Variants in TBC1D15 observed in about 807,000 individuals in gnomAD.
TBC1D15 encodes TBC1 domain family member 15.
In TBC1D15, 39 loss-of-function variants were observed where a neutral mutation model predicts 95.4. The ratio of observed to expected loss-of-function variants is 0.41; its 90% CI spans 0.32 to 0.53. The LOEUF (loss-of-function observed/expected upper bound fraction) is 0.53. Ranked by LOEUF, TBC1D15 falls within the 20% of genes least tolerant of loss-of-function variation. TBC1D15 has a pLI of 0.29. For missense variants in TBC1D15, 733 were observed against 794.3 expected (o/e 0.92, Z 0.93); for synonymous variants, 258 against 261.3 (o/e 0.99, Z 0.12).
At chr12:71,902,993 A>T (rs191654301) in intron 10 of TBC1D15, among the ~76,000 whole-genome samples, 1 of 152,112 alleles carries the variant, frequency 6.6e-6, no homozygotes, top group Admixed American at 6.5e-5. Flanking sequence ...GCTCACTGCA[A>T]CCCCTGCCTC....
At chr12:71,871,406 A>G (rs1892649782) in intron 1 of TBC1D15, among the ~76,000 whole-genome samples, 1 of 152,152 alleles carries the variant, frequency 6.6e-6, no homozygotes, top group Admixed American at 6.5e-5. Context: ...TTTCTATGCC[A>G]TGGTGTTTCA....
chr12:71,841,025 A>G (rs1884870506), intron 1 of TBC1D15: 1 of 152,200 alleles, frequency 6.6e-6, no homozygotes, highest in South Asian at 2.1e-4. Context: ...GCTCTTTTAA[A>G]GGATAGGTGG....
chr12:71,921,542 C>A, intron 16 of TBC1D15, 88 bp downstream of exon 16: 2 of 754,302 alleles, frequency 2.7e-6, no homozygotes, highest in Non-Finnish European at 2.0e-6. Flanking sequence ...AATAAAATAG[C>A]AACTTTAGTA....
chr12:71,840,314 G>A (rs1884632650), intron 1 of TBC1D15, among the ~76,000 whole-genome samples: 2 of 152,194 alleles, frequency 1.3e-5, no homozygotes, highest in Non-Finnish European at 2.9e-5. Flanking sequence ...AGTGTATTGG[G>A]TCTGTTTTTA....
chr12:71,910,109 T>C (rs1363075167), intron 11 of TBC1D15, among the ~76,000 whole-genome samples: 1 of 152,060 alleles, frequency 6.6e-6, no homozygotes, highest in African/African-American at 2.4e-5. Context: ...CACCATTTAT[T>C]AAATAGGGAA....
intron 7 of TBC1D15, 64 bp downstream of exon 7, chr12:71,894,947 T>G (rs1366580859): frequency 2.7e-6 from 4 of 1,475,042 alleles, no homozygotes; most frequent in African/African-American, 1.4e-5. Flanking sequence ...ACTATAGAAA[T>G]AGAAACTTAA....
chr12:71,849,439 G>C, intron 1 of TBC1D15: 2 of 1,120,832 alleles, frequency 1.8e-6, no homozygotes, highest in Non-Finnish European at 2.7e-6. Context: ...AACACTCCAT[G>C]GGCCTCTTCA....
rs1206992856 is a variant in TBC1D15, at chr12:71,850,984, C to CAAAAAAA, written c.30+11191_30+11197dup. ...CTGGTGGCAGAGCAACACTCCATCTCAAAAAAAAAAAAAAAAAAAAAAAAG... is the reference window on the plus strand; with the variant it reads ...CTGGTGGCAGAGCAACACTCCATCTCAAAAAAAAAAAAAAAAAAAAAAAAAAAAAAAG... On this transcript the variant is annotated intron_variant, in intron 1 of 16. Transcript: ENST00000485960. Among the ~76,000 whole-genome samples the CAAAAAAA allele has an allele frequency of 2.0e-3, 96 of 46,954 alleles. 2 individuals are homozygous for CAAAAAAA. Among genetic ancestry groups the CAAAAAAA allele is most frequent in the South Asian group, 0.015 (13 of 848 alleles). 30.8% of individuals were successfully genotyped at this position (46,954 alleles called of 152,430 possible). A position where few individuals can be genotyped will look rare whatever the true frequency, so the allele number is the denominator to read the frequency against.
At chr12:71,884,084 G>T (rs1895747918) in intron 4 of TBC1D15, among the ~76,000 whole-genome samples, 1 of 152,064 alleles carries the variant, frequency 6.6e-6, no homozygotes, top group Non-Finnish European at 1.5e-5. Flanking sequence ...TATTTTTGAA[G>T]CATTCACAAC....
rs1169262339 is a variant in TBC1D15, at chr12:71,924,268, AGTT to A, written c.*1068_*1070del. ...CATAACTGATTTTGTTTTAATTGTA[AGTT>A]GTTAACTCCTGTATATATCATTAAA... is the stretch of plus-strand genomic sequence containing the variant. On this transcript the variant is annotated 3_prime_UTR_variant, in exon 17 of 17. Coordinates refer to ENST00000485960, the MANE Select transcript of TBC1D15 (RefSeq NM_001146213.3). 1.3e-5 allele frequency: 2 copies of A among 152,590 alleles called. No homozygotes were observed. The highest frequency in any genetic ancestry group is 2.9e-5 in the Non-Finnish European group (2 of 68,022). The allele number at this position is 152,590 out of a possible 1,614,324, so 9.5% of individuals were successfully genotyped here.
intron 1 of TBC1D15, chr12:71,854,932 G>T (rs990676395): frequency 2.2e-6 from 1 of 449,044 alleles, no homozygotes; most frequent in African/African-American, 2.0e-5. Context: ...ATTTGATTTA[G>T]ATCCTATTTA....
chr12:71,918,809 G>T (rs1364476453), intron 14 of TBC1D15, among the ~76,000 whole-genome samples: 3 of 152,188 alleles, frequency 2.0e-5, no homozygotes, highest in Non-Finnish European at 4.4e-5. Flanking sequence ...TAGACCATTT[G>T]CTGCCTTTGT....
intron 5 of TBC1D15, among the ~76,000 whole-genome samples, chr12:71,890,446 T>A (rs553319929): frequency 7.2e-5 from 11 of 152,216 alleles, no homozygotes; most frequent in South Asian, 2.1e-4. Flanking sequence ...ACTTTTTTTT[T>A]ATTTTTGATT....
At chr12:71,883,995 G>A (rs979327304) in intron 4 of TBC1D15, among the ~76,000 whole-genome samples, 1 of 152,082 alleles carries the variant, frequency 6.6e-6, no homozygotes, top group Non-Finnish European at 1.5e-5. Context: ...CTCAGAACAT[G>A]CCGTATTTTA....
chr12:71,887,542 C>G lies in TBC1D15; in HGVS notation c.554+2521C>G, dbSNP rs78101273. On this transcript the variant is annotated intron_variant, in intron 5 of 16. Transcript: ENST00000485960. Reference sequence around the variant, plus strand: ...TGCAGATTTCTTTCAGTTCCTAAAACCCCCTAAACTCTTTCTTGTCTTAAG... The same window carrying G: ...TGCAGATTTCTTTCAGTTCCTAAAAGCCCCTAAACTCTTTCTTGTCTTAAG... Among the ~76,000 whole-genome samples the G allele has an allele frequency of 5.5e-3, 832 of 152,292 alleles. 29 individuals are homozygous for G. In the East Asian group the frequency reaches 0.098, roughly 18 times the overall value.
intron 1 of TBC1D15, chr12:71,849,443 C>T: frequency 9.3e-7 from 1 of 1,081,070 alleles, no homozygotes; most frequent in Non-Finnish European, 1.4e-6. Context: ...CTCCATGGGC[C>T]TCTTCAAGGG....
intron 13 of TBC1D15, 35 bp downstream of exon 13, chr12:71,917,832 T>C (rs772179934): frequency 3.6e-6 from 5 of 1,387,442 alleles, no homozygotes; most frequent in African/African-American, 1.4e-5. Context: ...ACCCAGCAAA[T>C]TGTAGAGTAA....
chr12:71,854,992 T>TA (rs1347173169), intron 1 of TBC1D15: 4 of 371,578 alleles, frequency 1.1e-5, no homozygotes, highest in Non-Finnish European at 1.6e-5. Flanking sequence ...TATAAAGAAA[T>TA]ACCTGAGACT....
intron 1 of TBC1D15, chr12:71,850,141 A>C: frequency 1.9e-6 from 1 of 540,336 alleles, no homozygotes; most frequent in Admixed American, 2.3e-5. Context: ...CTCCATTCTC[A>C]TGATAATCAT....
Sources: allele counts gnomAD v4.1 joint callset (sites outside exome capture counted in the v4.1 genomes callset), GRCh38; gene constraint gnomAD v4.1.1; transcripts MANE v1.5; gene names NCBI Gene and HGNC (gene_info 2026-07-23, HGNC 2026-07-21).